TJP1: variants seen among roughly 807,000 people sequenced by gnomAD.
TJP1 encodes the protein tight junction protein ZO-1.
TJP1 carries 43 observed loss-of-function variants against 194.2 expected under a neutral mutation model. That is an observed-to-expected ratio of 0.22 (90% confidence interval 0.17 to 0.29). The LOEUF (loss-of-function observed/expected upper bound fraction) is 0.29, where lower values mean the gene tolerates loss of function less well. Among genes scored for constraint, TJP1 ranks in the 10% least tolerant of loss-of-function variants. TJP1 has a pLI of 1.00. For missense variants in TJP1, 1,971 were observed against 2,185.7 expected, an observed-to-expected ratio of 0.90 and a Z score of 1.96; for synonymous variants, 801 against 779.0, an observed-to-expected ratio of 1.03 and a Z score of -0.47.
At chr15:29,908,242 C>T (rs897312891) in intron 2 of TJP1, among the ~76,000 whole-genome samples, 1 of 151,956 alleles carries the variant, frequency 6.6e-6, no homozygotes, top group Non-Finnish European at 1.5e-5. Context: ...AGACCTATTC[C>T]ATGGACATCA....
intron 2 of TJP1, among the ~76,000 whole-genome samples, chr15:29,915,648 A>C (rs1350807442): frequency 6.6e-6 from 1 of 152,234 alleles, no homozygotes. Flanking sequence ...CAACCTAGAA[A>C]AGAATTTAGA....
intron 18 of TJP1, among the ~76,000 whole-genome samples, chr15:29,723,561 G>GA: frequency 6.6e-6 from 1 of 152,288 alleles, no homozygotes; most frequent in East Asian, 1.9e-4. Context: ...GTTCTTTACA[G>GA]CAGTTCAAGA....
chr15:29,849,442 A>T (rs1419360277), intron 2 of TJP1, among the ~76,000 whole-genome samples: 1 of 84,548 alleles, frequency 1.2e-5, no homozygotes, highest in South Asian at 3.6e-4. Flanking sequence ...ATTTTATTTA[A>T]AAAAAAAAAA....
At chr15:29,831,525 A>G (rs2050835618) in intron 2 of TJP1, among the ~76,000 whole-genome samples, 1 of 152,250 alleles carries the variant, frequency 6.6e-6, no homozygotes. Flanking sequence ...GGCAAGCTTT[A>G]CAGACGGATG....
chr15:29,916,202 T>C (rs970786835), intron 2 of TJP1, among the ~76,000 whole-genome samples: 44 of 147,536 alleles, frequency 3.0e-4, no homozygotes, highest in Admixed American at 6.9e-5. Flanking sequence ...ATTGCGCCAC[T>C]GTACTCCAGC....
intron 2 of TJP1, among the ~76,000 whole-genome samples, chr15:29,866,504 C>T (rs1033352115): frequency 1.3e-5 from 2 of 152,128 alleles, no homozygotes; most frequent in African/African-American, 4.8e-5. Context: ...CACTGGAAAA[C>T]AAATAGGCAG....
chr15:29,882,554 A>G (rs1197758206), intron 2 of TJP1, among the ~76,000 whole-genome samples: 2 of 152,190 alleles, frequency 1.3e-5, no homozygotes, highest in African/African-American at 4.8e-5. Flanking sequence ...ACAATAAGAG[A>G]GTATGGGGAC....
upstream of TJP1, chr15:29,824,158 C>T (rs2050603616): frequency 7.5e-6 from 1 of 133,468 alleles, no homozygotes; most frequent in African/African-American, 2.8e-5. Context: ...AATCCCAGCA[C>T]TTGGGGCCGT....
intron 2 of TJP1, among the ~76,000 whole-genome samples, chr15:29,773,671 G>A (rs929376916): frequency 6.6e-6 from 1 of 152,324 alleles, no homozygotes; most frequent in African/African-American, 2.4e-5. Context: ...TGAGGAGACT[G>A]GCAGAGCCCA....
chr15:29,771,574 G>C (rs2046681148), intron 4 of TJP1, among the ~76,000 whole-genome samples: 1 of 152,128 alleles, frequency 6.6e-6, no homozygotes, highest in African/African-American at 2.4e-5. Flanking sequence ...GGGAGGCCGA[G>C]GCAGGCAGAT....
At chr15:29,796,749 T>C (rs1056707945) in intron 2 of TJP1, among the ~76,000 whole-genome samples, 1 of 152,188 alleles carries the variant, frequency 6.6e-6, no homozygotes, top group Non-Finnish European at 1.5e-5. Flanking sequence ...TTTGGAGGAT[T>C]TGCCCTACCT....
At chr15:29,756,228 A>C (rs2045636093) in intron 8 of TJP1, among the ~76,000 whole-genome samples, 1 of 152,302 alleles carries the variant, frequency 6.6e-6, no homozygotes, top group South Asian at 2.1e-4. Flanking sequence ...CTACAGCCCA[A>C]GTCTTGGCCC....
chr15:29,769,516 G>A (rs1219862526), intron 4 of TJP1, among the ~76,000 whole-genome samples: 5 of 152,092 alleles, frequency 3.3e-5, no homozygotes, highest in African/African-American at 7.2e-5. Context: ...AAATACTTGC[G>A]GACTGGACAC....
chr15:29,707,092 G>A (rs757133217), intron 25 of TJP1, among the ~76,000 whole-genome samples: 3 of 152,142 alleles, frequency 2.0e-5, no homozygotes, highest in African/African-American at 2.4e-5. Context: ...CCAAGCGCCC[G>A]CTCTGGCTGT....
rs573858263 is a variant in TJP1, at chr15:29,720,618, T to C, written c.2503A>G (p.Thr835Ala). Residue 835 changes from threonine to alanine, a missense_variant, in exon 19 of 28, where the codon ACG becomes GCG. This residue lies in a region of TJP1 where 402 missense variants were observed against 484.2 expected (regional missense o/e 0.83). Transcript: ENST00000614355. ...TAGTCAGAAGTGTGTCTACTGTCCG[T>C]GCTATACATTGAGTATTCACTACCT... Reference protein sequence around the residue: ...APGSEYSMYSTDSRHTSDYED... With the variant: ...APGSEYSMYSADSRHTSDYED... 6 of 1,614,116 alleles carry C rather than the reference T, an allele frequency of 3.7e-6. No individual in the cohort carries two copies. Among genetic ancestry groups the C allele is most frequent in the East Asian group, 4.5e-5 (2 of 44,868 alleles).
intron 2 of TJP1, among the ~76,000 whole-genome samples, chr15:29,777,978 C>A (rs9920621): frequency 0.1 from 15,757 of 152,032 alleles, 899 homozygotes; most frequent in South Asian, 0.22. Flanking sequence ...TATGAACTTA[C>A]ATCTTGTTTG....
At chr15:29,829,503 T>C (rs974055989) in intron 2 of TJP1, among the ~76,000 whole-genome samples, 1 of 152,068 alleles carries the variant, frequency 6.6e-6, no homozygotes, top group African/African-American at 2.4e-5. Context: ...CATGCTCACC[T>C]TTATGAAAGA....
At chr15:29,880,584 C>G (rs1340641934) in intron 2 of TJP1, among the ~76,000 whole-genome samples, 1 of 152,200 alleles carries the variant, frequency 6.6e-6, no homozygotes, top group Non-Finnish European at 1.5e-5. Context: ...ACCCACTGAA[C>G]AGCAATTCCC....
chr15:29,770,115 G>A (rs2046564004), intron 4 of TJP1, among the ~76,000 whole-genome samples: 1 of 152,048 alleles, frequency 6.6e-6, no homozygotes, highest in Non-Finnish European at 1.5e-5. Context: ...GTGTGCTTGT[G>A]TCTTAGTTTT....
Sources: allele counts gnomAD v4.1 joint callset (sites outside exome capture counted in the v4.1 genomes callset), GRCh38; gene constraint gnomAD v4.1.1; regional missense constraint gnomAD v4.1.1; transcripts MANE v1.5; gene names NCBI Gene and HGNC (gene_info 2026-07-23, HGNC 2026-07-21).